The following ARHGEF17 variants were observed in gnomAD, a reference collection of about 807,000 sequenced individuals.
ARHGEF17 encodes the protein Rho guanine nucleotide exchange factor 17, also known as 164 kDa Rho-specific guanine-nucleotide exchange factor.
A neutral mutation model predicts 174.0 loss-of-function variants in ARHGEF17; 80 were observed. The ratio of observed to expected loss-of-function variants is 0.46; its 90% CI spans 0.38 to 0.55. The LOEUF is 0.55. Ranked by LOEUF, ARHGEF17 falls within the 20% of genes least tolerant of loss-of-function variation. The pLI, the probability that ARHGEF17 is intolerant of heterozygous loss-of-function variation, is 0.00. For synonymous variants in ARHGEF17, 1,311 were observed against 1,189.1 expected, an observed-to-expected ratio of 1.10 and a Z score of -2.11; for missense variants, 2,886 against 2,839.7, an observed-to-expected ratio of 1.02 and a Z score of -0.37.
At chr11:73,355,297 T>C (rs1298966391) in intron 3 of ARHGEF17, among the ~76,000 whole-genome samples, 1 of 152,222 alleles carries the variant, frequency 6.6e-6, no homozygotes, top group Non-Finnish European at 1.5e-5. Flanking sequence ...CATATGTGCA[T>C]ACATGAACAG....
At chr11:73,332,566 C>T (rs2134401065) in intron 1 of ARHGEF17, among the ~76,000 whole-genome samples, 1 of 152,208 alleles carries the variant, frequency 6.6e-6, no homozygotes, top group African/African-American at 2.4e-5. Flanking sequence ...CGCCAGTTTT[C>T]CCTGCTGTGG....
chr11:73,365,617 G>A lies in ARHGEF17; in HGVS notation c.5725+53G>A, dbSNP rs565524221. On this transcript the variant is annotated intron_variant, in intron 19 of 20. Transcript: ENST00000263674. The surrounding 1 kb of genome is among the most constrained non-coding windows in gnomAD (Gnocchi z 4.9). ...CTCCTTGGAGCCTTTCTGCCCGATCGTAGAGGCGGCTGAGCCAGGGCCAGA... is the reference window on the plus strand; with the variant it reads ...CTCCTTGGAGCCTTTCTGCCCGATCATAGAGGCGGCTGAGCCAGGGCCAGA... 38 of 1,608,252 alleles carry A rather than the reference G, an allele frequency of 2.4e-5. No homozygotes were observed. The highest frequency in any genetic ancestry group is 1.4e-4 in the South Asian group (13 of 91,002).
chr11:73,355,892 C>T lies in ARHGEF17; in HGVS notation c.3602C>T (p.Ala1201Val). 2 of 1,614,182 alleles carry T rather than the reference C, an allele frequency of 1.2e-6. No homozygotes were observed. The highest frequency in any genetic ancestry group is 1.1e-5 in the South Asian group (1 of 91,088). ...ATGCGTGAGAACAAGGAGAAGCAGG[C>T]GCTGTCTGACCTCATGATCAAGCCT... ...QSMRENKEKQ[A>V]LSDLMIKPVQ... Residue 1201 changes from alanine to valine, a missense_variant, in exon 5 of 21, where the codon GCG becomes GTG. Around this residue, in one of 4 missense-constraint regions of ARHGEF17, gnomAD observed 353 missense variants for 470.3 expected, o/e 0.75. Transcript: ENST00000263674.
chr11:73,330,512 T>A (rs1206166523), intron 1 of ARHGEF17, among the ~76,000 whole-genome samples: 2 of 152,176 alleles, frequency 1.3e-5, no homozygotes, highest in Non-Finnish European at 2.9e-5. Flanking sequence ...GAGGAATGAC[T>A]TGGTCAGAAT....
intron 20 of ARHGEF17, among the ~76,000 whole-genome samples, chr11:73,367,148 G>C (rs1196638567): frequency 6.6e-6 from 1 of 152,212 alleles, no homozygotes; most frequent in East Asian, 1.9e-4. Flanking sequence ...GGAAGTGGCT[G>C]TGGAAATCAG....
chr11:73,366,085 C>T (rs1233476036), intron 20 of ARHGEF17, 138 bp downstream of exon 20: 8 of 1,173,334 alleles, frequency 6.8e-6, no homozygotes, highest in Non-Finnish European at 9.4e-6. Flanking sequence ...ACAGGAAATA[C>T]ACCACGGAAG....
At chr11:73,320,288 TG>T (rs2135789943) in intron 1 of ARHGEF17, among the ~76,000 whole-genome samples, 2 of 152,236 alleles carry the variant, frequency 1.3e-5, no homozygotes, top group South Asian at 4.1e-4. Flanking sequence ...CCCCCGAGGC[TG>T]TAGTCGATGG....
intron 1 of ARHGEF17, among the ~76,000 whole-genome samples, chr11:73,314,522 T>G (rs1864897020): frequency 6.6e-6 from 1 of 152,180 alleles, no homozygotes; most frequent in Non-Finnish European, 1.5e-5. Flanking sequence ...GACTGCCTGG[T>G]CTGTGAGGCT....
chr11:73,355,589 T>A lies in ARHGEF17; in HGVS notation c.3510T>A (p.Asn1170Lys). Residue 1170 changes from asparagine to lysine, a missense_variant, in exon 4 of 21, where the codon AAT (asparagine) becomes AAA (lysine). Coordinates refer to ENST00000263674, the MANE Select transcript of ARHGEF17 (RefSeq NM_014786.4). ...IYSAYIDNFL[N>K]AKDAVRVAKE... Reference sequence around the variant, plus strand: ...CTGCCTATATCGATAACTTCCTCAATGCAAAGGATGCTGTGCGTGTGGCCA... The same window carrying A: ...CTGCCTATATCGATAACTTCCTCAAAGCAAAGGATGCTGTGCGTGTGGCCA... 6.2e-7 allele frequency: 1 copy of A among 1,614,192 alleles called. No individual in the cohort carries two copies. The highest frequency in any genetic ancestry group is 8.5e-7 in the Non-Finnish European group (1 of 1,180,008).
At position 73,359,955 on chromosome 11, in the gene ARHGEF17, CT is replaced by C; in HGVS notation, c.4206+4del. ...AGAGCCTTGGTTTCCCCCACCAGGTCTGTGCCCTCTGCCTGACACTGGGGAG... is the reference window on the plus strand; with the variant it reads ...AGAGCCTTGGTTTCCCCCACCAGGTCGTGCCCTCTGCCTGACACTGGGGAG... On this transcript the variant is annotated splice_donor_region_variant and intron_variant, in intron 10 of 20. Coordinates refer to ENST00000263674, the MANE Select transcript of ARHGEF17 (RefSeq NM_014786.4). 1 of 1,600,152 alleles carries C rather than the reference CT, an allele frequency of 6.2e-7. No individual in the cohort carries two copies. Among genetic ancestry groups the C allele is most frequent in the Non-Finnish European group, 8.5e-7 (1 of 1,173,788 alleles).
chr11:73,326,103 T>G (rs2135792968), intron 1 of ARHGEF17, among the ~76,000 whole-genome samples: 1 of 152,298 alleles, frequency 6.6e-6, no homozygotes, highest in Non-Finnish European at 1.5e-5. Flanking sequence ...AGGGTTAGCA[T>G]GGGGGCCGCA....
chr11:73,323,173 C>T (rs1017428545), intron 1 of ARHGEF17, among the ~76,000 whole-genome samples: 2 of 152,190 alleles, frequency 1.3e-5, no homozygotes, highest in Non-Finnish European at 2.9e-5. Flanking sequence ...GAGCTCCAGG[C>T]CACACCTGCA....
In ARHGEF17 at chr11:73,365,627, C is replaced by T. The variant is rs1227288032; in HGVS notation, c.5726-51C>T. On this transcript the variant is annotated intron_variant, in intron 19 of 20. Coordinates refer to ENST00000263674, the MANE Select transcript of ARHGEF17 (RefSeq NM_014786.4). This position sits in a 1 kb window ranked among gnomAD's most constrained non-coding sequence, Gnocchi z 4.9. ...CCTTTCTGCCCGATCGTAGAGGCGG[C>T]TGAGCCAGGGCCAGAATTCAGCCCC... 1.2e-6 allele frequency: 2 copies of T among 1,607,568 alleles called. No individual in the cohort carries two copies. Among genetic ancestry groups the T allele is most frequent in the Non-Finnish European group, 1.7e-6 (2 of 1,174,946 alleles).
At chr11:73,343,510 T>C (rs532574910) in intron 1 of ARHGEF17, among the ~76,000 whole-genome samples, 1 of 152,242 alleles carries the variant, frequency 6.6e-6, no homozygotes, top group Non-Finnish European at 1.5e-5. Flanking sequence ...GAAGTGCCTG[T>C]AGAAGCTGAG....
intron 12 of ARHGEF17, 69 bp downstream of exon 12, chr11:73,361,230 A>T: frequency 6.9e-7 from 1 of 1,453,142 alleles, no homozygotes; most frequent in East Asian, 2.3e-5. Context: ...ATTTTTGTGT[A>T]CGACATTGTG....
At chr11:73,341,993 T>C (rs1591743546) in intron 1 of ARHGEF17, among the ~76,000 whole-genome samples, 1 of 116,240 alleles carries the variant, frequency 8.6e-6, no homozygotes, top group Non-Finnish European at 2.1e-5. Context: ...CCCCCACCCC[T>C]CAGTCCAGAT....
chr11:73,320,068 C>T (rs1001651083), intron 1 of ARHGEF17, among the ~76,000 whole-genome samples: 1 of 140,432 alleles, frequency 7.1e-6, no homozygotes, highest in African/African-American at 3.1e-5. Flanking sequence ...GAGAGCCCAG[C>T]GGCAGAAGGA....
At position 73,353,012 on chromosome 11, in the gene ARHGEF17, G is replaced by A. The variant is rs746243650; in HGVS notation, c.3453G>A (p.Ser1151=). ...AGGTGGGAGCCCTGCTCGTCCAGTC[G>A]GTGAGTGGCCCCGCTGCTGCCAATT... ...QQKVGALLVQ[S]FSKDVLVNIY... is the part of the protein sequence containing the mutation. Residue 1151 remains serine (S), a splice_region_variant and synonymous_variant, in exon 3 of 21, where the codon TCG becomes TCA. Coordinates refer to ENST00000263674, the MANE Select transcript of ARHGEF17 (RefSeq NM_014786.4). The A allele has an allele frequency of 8.1e-6, 13 of 1,613,470 alleles. No individual in the cohort carries two copies. Among genetic ancestry groups the A allele is most frequent in the Non-Finnish European group, 8.5e-6 (10 of 1,179,882 alleles).
chr11:73,350,454 T>C (rs554168593), intron 2 of ARHGEF17, among the ~76,000 whole-genome samples: 1 of 152,336 alleles, frequency 6.6e-6, no homozygotes, highest in East Asian at 1.9e-4. Flanking sequence ...TCATTGTGAC[T>C]CTGGGTTCTC....
Sources: gnomAD v4.1 joint callset for allele counts (sites outside exome capture counted in the v4.1 genomes callset) on GRCh38, gnomAD v4.1.1 for gene constraint, gnomAD v4.1.1 regional missense constraint, Gnocchi (gnomAD v3.1) non-coding constraint, MANE v1.5 for transcripts, NCBI Gene and HGNC (gene_info 2026-07-23, HGNC 2026-07-21) for gene names.